The following ANK3 variants were observed in gnomAD, a reference collection of about 807,000 sequenced individuals.
The protein encoded by ANK3 is ankyrin 3.
Under a neutral mutation model 370.9 loss-of-function variants are expected in ANK3, and 57 were observed. The observed-to-expected ratio is 0.15, with a 90% CI of 0.12 to 0.19. ANK3 has a LOEUF of 0.19. Ranked by LOEUF, ANK3 falls within the 10% of genes least tolerant of loss-of-function variation. ANK3 has a pLI of 1.00. For missense variants in ANK3, 4,439 were observed against 5,302.1 expected (o/e 0.84, Z 5.06); for synonymous variants, 1,929 against 1,946.3 (o/e 0.99, Z 0.23).
chr10:60,102,637 G>T (rs762558065), intron 28 of ANK3, among the ~76,000 whole-genome samples: 1 of 152,160 alleles, frequency 6.6e-6, no homozygotes, highest in Non-Finnish European at 1.5e-5. Context: ...TACATGGAAA[G>T]GCTTCACACA....
intron 14 of ANK3, 56 bp downstream of exon 14, chr10:60,198,284 C>T (rs911397510): frequency 8.7e-5 from 136 of 1,570,318 alleles, no homozygotes; most frequent in Middle Eastern, 1.8e-4. Context: ...TGCGGGGAAA[C>T]GTAAGGAAGA....
chr10:60,687,726 G>C (rs2079289679), intron 1 of ANK3, among the ~76,000 whole-genome samples: 1 of 152,128 alleles, frequency 6.6e-6, no homozygotes, highest in African/African-American at 2.4e-5. Flanking sequence ...TTATCCAAAA[G>C]AATTGAAATC....
chr10:60,458,764 T>G (rs1764254409), intron 2 of ANK3, among the ~76,000 whole-genome samples: 1 of 152,142 alleles, frequency 6.6e-6, no homozygotes, highest in African/African-American at 2.4e-5. Flanking sequence ...TCAGCCAGAT[T>G]TACATGAGGC....
intron 1 of ANK3, among the ~76,000 whole-genome samples, chr10:60,355,109 A>C (rs1461036875): frequency 6.6e-6 from 1 of 152,182 alleles, no homozygotes; most frequent in African/African-American, 2.4e-5. Context: ...AATATGCTAC[A>C]TTGTTAACAA....
At chr10:60,457,869 G>A (rs2064787044) in intron 2 of ANK3, among the ~76,000 whole-genome samples, 1 of 152,074 alleles carries the variant, frequency 6.6e-6, no homozygotes, top group Non-Finnish European at 1.5e-5. Context: ...GTGACATGCA[G>A]TGGGCGGTAG....
chr10:60,310,561 A>C (rs1404256441), intron 1 of ANK3, among the ~76,000 whole-genome samples: 1 of 152,238 alleles, frequency 6.6e-6, no homozygotes, highest in Non-Finnish European at 1.5e-5. Context: ...GGAACTAAAA[A>C]TGCATGTATT....
intron 2 of ANK3, among the ~76,000 whole-genome samples, chr10:60,529,011 A>G (rs910584105): frequency 2.0e-5 from 3 of 152,092 alleles, no homozygotes; most frequent in Admixed American, 6.6e-5. Context: ...CATTTGAGTC[A>G]TCTGTTAAAG....
chr10:60,154,973 G>A (rs1043178303), intron 23 of ANK3, among the ~76,000 whole-genome samples: 11 of 152,020 alleles, frequency 7.2e-5, no homozygotes, highest in African/African-American at 2.7e-4. Flanking sequence ...ACAGAGGAAG[G>A]TTCTCTAAAT....
chr10:60,223,430 T>C (rs1295295098), intron 8 of ANK3, among the ~76,000 whole-genome samples: 1 of 152,226 alleles, frequency 6.6e-6, no homozygotes, highest in Non-Finnish European at 1.5e-5. Context: ...TTCTTACAAG[T>C]ATCATGAATA....
intron 2 of ANK3, among the ~76,000 whole-genome samples, chr10:60,404,384 T>G (rs1192811908): frequency 6.6e-6 from 1 of 152,160 alleles, no homozygotes; most frequent in East Asian, 1.9e-4. Flanking sequence ...AGTATGGTAC[T>G]GGCATTAAGA....
chr10:60,176,705 G>A (rs974817381), intron 18 of ANK3, among the ~76,000 whole-genome samples: 1 of 152,154 alleles, frequency 6.6e-6, no homozygotes, highest in African/African-American at 2.4e-5. Context: ...GTTGCAGTGA[G>A]CCAAGATCAC....
intron 1 of ANK3, among the ~76,000 whole-genome samples, chr10:60,331,266 A>T (rs966623462): frequency 1.2e-3 from 44 of 35,452 alleles, no homozygotes; most frequent in African/African-American, 2.8e-3. Context: ...AAAGTATAAT[A>T]AAAAAAAATC....
intron 1 of ANK3, among the ~76,000 whole-genome samples, chr10:60,720,220 C>G (rs2079844519): frequency 6.6e-6 from 1 of 152,150 alleles, no homozygotes; most frequent in Non-Finnish European, 1.5e-5. Flanking sequence ...TCAATTTTAA[C>G]AGTAGATGCT....
intron 2 of ANK3, among the ~76,000 whole-genome samples, chr10:60,528,299 G>A (rs949196548): frequency 6.6e-6 from 1 of 151,582 alleles, no homozygotes; most frequent in South Asian, 2.1e-4. Flanking sequence ...ACCATACCTG[G>A]CTAATTTTAT....
intron 2 of ANK3, chr10:60,507,363 G>A (rs2075968165): frequency 6.7e-6 from 1 of 150,294 alleles, no homozygotes; most frequent in Admixed American, 6.6e-5. Flanking sequence ...AATGAAATAG[G>A]TTAGCATTTA....
At chr10:60,276,442 A>G (rs2098090700) in intron 4 of ANK3, among the ~76,000 whole-genome samples, 1 of 152,178 alleles carries the variant, frequency 6.6e-6, no homozygotes, top group Admixed American at 6.5e-5. Context: ...CTGCAGGGTC[A>G]TCTCATTACT....
At chr10:60,057,293 T>A (rs1485244203) in intron 41 of ANK3, among the ~76,000 whole-genome samples, 1 of 152,206 alleles carries the variant, frequency 6.6e-6, no homozygotes, top group Non-Finnish European at 1.5e-5. Context: ...GACTTCTAAG[T>A]TTTTTACAAG....
rs748004213 is a variant in ANK3 at position 60,307,220 on chromosome 10, CTGTT to C, written c.115-27585_115-27582del. Among the ~76,000 whole-genome samples the C allele has an allele frequency of 4.3e-4, 65 of 152,322 alleles. 2 individuals are homozygous for C. Among genetic ancestry groups the C allele is most frequent in the East Asian group, 3.7e-3 (19 of 5,188 alleles). On this transcript the variant is annotated intron_variant, in intron 1 of 43. Transcript: ENST00000280772. Reference sequence around the variant, plus strand: ...TGACAGAATTAGCAGTTGTCAGAGACTGTTTGGCCAACAAAACCTAAAATATTAC... The same window carrying C: ...TGACAGAATTAGCAGTTGTCAGAGACTGGCCAACAAAACCTAAAATATTAC...
intron 2 of ANK3, among the ~76,000 whole-genome samples, chr10:60,452,908 C>A (rs1470895131): frequency 1.3e-5 from 2 of 152,190 alleles, no homozygotes; most frequent in African/African-American, 2.4e-5. Flanking sequence ...ATCACATACA[C>A]CTGGACACCA....
Sources: allele counts gnomAD v4.1 joint callset (sites outside exome capture counted in the v4.1 genomes callset), GRCh38; gene constraint gnomAD v4.1.1; transcripts MANE v1.5; gene names NCBI Gene and HGNC (gene_info 2026-07-23, HGNC 2026-07-21).